The following STXBP4 variants were observed in gnomAD, a reference collection of about 807,000 sequenced individuals.
STXBP4 encodes syntaxin-binding protein 4.
In STXBP4, 55 loss-of-function variants were observed where a neutral mutation model predicts 76.1. The ratio of observed to expected loss-of-function variants is 0.72; its 90% CI spans 0.58 to 0.91. The LOEUF (loss-of-function observed/expected upper bound fraction) is 0.91. Ranked by LOEUF, STXBP4 falls within the 40% of genes least tolerant of loss-of-function variation. STXBP4 has a pLI of 0.00. For missense variants in STXBP4, 618 were observed against 636.9 expected (o/e 0.97, Z 0.32); for synonymous variants, 201 against 220.2 (o/e 0.91, Z 0.77).
chr17:55,105,903 C>T (rs2079629232), intron 16 of STXBP4, among the ~76,000 whole-genome samples: 1 of 152,052 alleles, frequency 6.6e-6, no homozygotes, highest in African/African-American at 2.4e-5. Context: ...AGAATAAGTG[C>T]AATGTGTTGC....
intron 17 of STXBP4, among the ~76,000 whole-genome samples, chr17:55,155,932 TA>T (rs1322052820): frequency 6.6e-6 from 1 of 152,208 alleles, no homozygotes; most frequent in African/African-American, 2.4e-5. Flanking sequence ...TATTATTTTT[TA>T]AAACACACAA....
intron 17 of STXBP4, among the ~76,000 whole-genome samples, chr17:55,152,829 A>G (rs2080231184): frequency 6.6e-6 from 1 of 152,190 alleles, no homozygotes; most frequent in Non-Finnish European, 1.5e-5. Flanking sequence ...CAAATACTTT[A>G]AAATATATAT....
At chr17:55,011,483 G>C (rs970476290) in intron 8 of STXBP4, among the ~76,000 whole-genome samples, 1 of 141,440 alleles carries the variant, frequency 7.1e-6, no homozygotes, top group African/African-American at 2.6e-5. Context: ...AAGTATTGTG[G>C]GATCAAAGAG....
intron 15 of STXBP4, among the ~76,000 whole-genome samples, chr17:55,079,772 G>A (rs1316369260): frequency 1.3e-5 from 2 of 152,024 alleles, no homozygotes; most frequent in African/African-American, 4.8e-5. Flanking sequence ...GTGATGCCCT[G>A]TCTCAAAAAG....
chr17:54,999,970 A>AT, intron 6 of STXBP4, 128 bp downstream of exon 6: 1 of 806,192 alleles, frequency 1.2e-6, no homozygotes, highest in Non-Finnish European at 1.9e-6. Context: ...TCTTTGAAAG[A>AT]TTTTTTTCTA....
At chr17:55,061,031 GT>G (rs908452496) in intron 12 of STXBP4, among the ~76,000 whole-genome samples, 1 of 152,180 alleles carries the variant, frequency 6.6e-6, no homozygotes, top group African/African-American at 2.4e-5. Flanking sequence ...CCCACTTGTA[GT>G]TGGCCTCACC....
intron 4 of STXBP4, 160 bp downstream of exon 4, chr17:54,991,117 C>T: frequency 1.6e-6 from 1 of 634,864 alleles, no homozygotes; most frequent in Non-Finnish European, 2.3e-6. Flanking sequence ...CCTCAAGGAG[C>T]TTTAAACTAA....
the STXBP4 span, among the ~76,000 whole-genome samples, chr17:55,206,700 T>C: frequency 6.6e-6 from 1 of 151,578 alleles, no homozygotes; most frequent in Admixed American, 6.6e-5. Context: ...CTACTAAAAA[T>C]ACAAAATTTA....
At chr17:55,116,268 G>A (rs547783936) in intron 16 of STXBP4, among the ~76,000 whole-genome samples, 31 of 151,888 alleles carry the variant, frequency 2.0e-4, no homozygotes, top group Admixed American at 1.9e-3. Context: ...ATCGAAATAT[G>A]TTTTTGGTGT....
the STXBP4 span, among the ~76,000 whole-genome samples, chr17:55,194,420 G>A: frequency 6.6e-6 from 1 of 152,126 alleles, no homozygotes; most frequent in Non-Finnish European, 1.5e-5. Context: ...AGGGAACAAA[G>A]TAGCAGTGAG....
intron 8 of STXBP4, among the ~76,000 whole-genome samples, chr17:55,012,556 C>G (rs930046176): frequency 6.6e-6 from 1 of 152,098 alleles, no homozygotes; most frequent in Non-Finnish European, 1.5e-5. Flanking sequence ...GGTGTTCCCT[C>G]GGAAGTTAGG....
chr17:55,051,292 G>A (rs865913679), intron 12 of STXBP4, among the ~76,000 whole-genome samples: 1 of 151,994 alleles, frequency 6.6e-6, no homozygotes, highest in Non-Finnish European at 1.5e-5. Context: ...GAATCTAATT[G>A]TATTTCAAAT....
chr17:55,124,151 G>A (rs1438929603), intron 16 of STXBP4, among the ~76,000 whole-genome samples: 3 of 152,170 alleles, frequency 2.0e-5, no homozygotes, highest in Admixed American at 6.5e-5. Context: ...GACACCATGA[G>A]AAGAAATAGG....
chr17:54,999,321 T>C (rs1406713399), intron 4 of STXBP4, 24 bp from the exon 5 acceptor site: 3 of 1,572,252 alleles, frequency 1.9e-6, no homozygotes, highest in East Asian at 2.2e-5. Context: ...TTAGTTCCTT[T>C]ATAAATGTTA....
intron 16 of STXBP4, among the ~76,000 whole-genome samples, chr17:55,100,885 C>T (rs2079554768): frequency 6.6e-6 from 1 of 152,184 alleles, no homozygotes; most frequent in African/African-American, 2.4e-5. Context: ...GCTTCAAAGA[C>T]ATGAGCTGCT....
intron 16 of STXBP4, among the ~76,000 whole-genome samples, chr17:55,087,483 C>CT (rs1194526106): frequency 6.6e-6 from 1 of 152,048 alleles, no homozygotes; most frequent in Non-Finnish European, 1.5e-5. Context: ...TCCAGTTTTT[C>CT]CAGTACCGTT....
chr17:54,982,940 G>A (rs777754874), intron 1 of STXBP4, among the ~76,000 whole-genome samples: 1 of 152,146 alleles, frequency 6.6e-6, no homozygotes, highest in African/African-American at 2.4e-5. Context: ...GAAACAAACA[G>A]CTTGGGTTTG....
At chr17:55,043,788 T>C in intron 11 of STXBP4, 1 of 687,424 alleles carries the variant, frequency 1.5e-6, no homozygotes, top group Non-Finnish European at 2.4e-6. Flanking sequence ...AACACACATA[T>C]CCCAAATATA....
chr17:55,091,051 C>A (rs914019419), intron 16 of STXBP4, among the ~76,000 whole-genome samples: 10 of 152,050 alleles, frequency 6.6e-5, no homozygotes, highest in African/African-American at 2.4e-4. Flanking sequence ...GATGCCTAAG[C>A]AAAGGAAGCA....
Sources: gnomAD v4.1 joint callset for allele counts (sites outside exome capture counted in the v4.1 genomes callset) on GRCh38, gnomAD v4.1.1 for gene constraint, MANE v1.5 for transcripts, NCBI Gene and HGNC (gene_info 2026-07-23, HGNC 2026-07-21) for gene names.